Variants in MYLK observed in about 807,000 individuals in gnomAD.
MYLK encodes myosin light chain kinase, also known as myosin light chain kinase, smooth muscle.
Under a neutral mutation model 203.4 loss-of-function variants are expected in MYLK, and 106 were observed. The ratio of observed to expected loss-of-function variants is 0.52; its 90% CI spans 0.45 to 0.61. The LOEUF is 0.61. Ranked by LOEUF, MYLK falls within the 20% of genes least tolerant of loss-of-function variation. MYLK has a pLI of 0.00. For synonymous variants in MYLK, 867 were observed against 959.5 expected, an observed-to-expected ratio of 0.90 and a Z score of 1.78; for missense variants, 2,072 against 2,442.3, an observed-to-expected ratio of 0.85 and a Z score of 3.20.
intron 9 of MYLK, chr3:123,734,852 A>G: frequency 5.5e-6 from 1 of 182,578 alleles, no homozygotes; most frequent in Non-Finnish European, 1.2e-5. Flanking sequence ...TCCTTTGCAC[A>G]GGTCTGAGCT....
chr3:123,693,042 A>G (rs1013286313), intron 18 of MYLK, among the ~76,000 whole-genome samples, 191 bp from the exon 19 acceptor site: 19 of 152,102 alleles, frequency 1.2e-4, no homozygotes, highest in African/African-American at 3.9e-4. Flanking sequence ...TGTCCAAAAT[A>G]ACTGATCCCT....
intron 29 of MYLK, among the ~76,000 whole-genome samples, chr3:123,634,960 T>A (rs1002450002): frequency 6.6e-6 from 1 of 152,072 alleles, no homozygotes; most frequent in Non-Finnish European, 1.5e-5. Flanking sequence ...GGATCCGGGG[T>A]AAGAGTGTGG....
chr3:123,658,059 T>C, intron 23 of MYLK, among the ~76,000 whole-genome samples: 1 of 152,250 alleles, frequency 6.6e-6, no homozygotes, highest in East Asian at 1.9e-4. Flanking sequence ...AGCACTTGTA[T>C]CACAGGTGGT....
At position 123,733,921 on chromosome 3, in the gene MYLK, G is replaced by C. The variant is rs202225055; in HGVS notation, c.1075C>G (p.Pro359Ala). The C allele has an allele frequency of 1.2e-6, 2 of 1,614,088 alleles. No homozygotes were observed. The highest frequency in any genetic ancestry group is 1.3e-5 in the African/African-American group (1 of 74,930). Reference sequence around the variant, plus strand: ...GAAGGTGATAGGACCCCCAGGCCTGGTGCTCTTGGTTCCGGCTGAACTCTT... The same window carrying C: ...GAAGGTGATAGGACCCCCAGGCCTGCTGCTCTTGGTTCCGGCTGAACTCTT... ...AARVQPEPRA[P>A]GLGVLSPSGE... Residue 359 changes from proline to alanine, a missense_variant, in exon 10 of 34, where the codon CCA becomes GCA. Transcript: ENST00000360304.
intron 24 of MYLK, among the ~76,000 whole-genome samples, chr3:123,654,311 A>G (rs1209213657): frequency 6.6e-6 from 1 of 152,150 alleles, no homozygotes; most frequent in Non-Finnish European, 1.5e-5. Flanking sequence ...ATTGAAAGTA[A>G]AATTTTAATA....
chr3:123,745,338 G>A (rs1437791241), intron 5 of MYLK, among the ~76,000 whole-genome samples: 1 of 152,098 alleles, frequency 6.6e-6, no homozygotes, highest in Non-Finnish European at 1.5e-5. Flanking sequence ...CTAGAGGGTG[G>A]TACTGTCTCT....
rs150171877 is a variant in MYLK, at chr3:123,642,830, A to G, written c.4620-2326T>C. 1.2e-4 allele frequency among the ~76,000 whole-genome samples: 18 copies of G among 152,376 alleles called. No homozygotes were observed. Among genetic ancestry groups the G allele is most frequent in the South Asian group, 4.1e-4 (2 of 4,828 alleles). ...CTTGGAAGTGTCTGGCACACAGTCAATGCTCAATATTAATGATCAATTTTC... is the reference window on the plus strand; with the variant it reads ...CTTGGAAGTGTCTGGCACACAGTCAGTGCTCAATATTAATGATCAATTTTC... On this transcript the variant is annotated intron_variant, in intron 27 of 33. Transcript: ENST00000360304. The surrounding 1 kb of genome is among the most constrained non-coding windows in gnomAD (Gnocchi z 4.2).
chr3:123,868,500 C>G (rs2032498917), intron 2 of MYLK, among the ~76,000 whole-genome samples: 1 of 152,198 alleles, frequency 6.6e-6, no homozygotes, highest in Admixed American at 6.5e-5. Context: ...CTTGGATTCT[C>G]TCATCTAATC....
At chr3:123,790,605 T>C (rs2064742047) in intron 4 of MYLK, among the ~76,000 whole-genome samples, 1 of 152,200 alleles carries the variant, frequency 6.6e-6, no homozygotes, top group African/African-American at 2.4e-5. Context: ...AAGTGGTTCA[T>C]TAAGTCCTTT....
In MYLK at chr3:123,647,388, T is replaced by G. The variant is rs941766411; in HGVS notation, c.4455A>C (p.Lys1485Asn). 2.5e-6 allele frequency: 4 copies of G among 1,614,112 alleles called. 1 individual carries two copies. The highest frequency in any genetic ancestry group is 1.7e-6 in the Non-Finnish European group (2 of 1,180,052). ...ACTTCCCTGCCCAGACTTTTCGAGT[T>G]TTCTTTTCTACAAGTCGAAAGACCT... ...FGQVFRLVEK[K>N]TRKVWAGKFF... Residue 1485 changes from lysine (K) to asparagine (N), a missense_variant, in exon 27 of 34, where the codon AAA (lysine) becomes AAC (asparagine). Physicochemically the swap from Lys to Asn is moderately conservative, Grantham distance 94. This residue lies in a region of MYLK where 524 missense variants were observed against 782.4 expected (regional missense o/e 0.67). Transcript: ENST00000360304.
chr3:123,825,050 C>T (rs1201337092), intron 3 of MYLK, among the ~76,000 whole-genome samples: 2 of 150,484 alleles, frequency 1.3e-5, no homozygotes, highest in African/African-American at 4.9e-5. Context: ...GAGGCTGAGG[C>T]AGGAGGATTG....
intron 4 of MYLK, among the ~76,000 whole-genome samples, chr3:123,761,991 C>T (rs9827568): frequency 0.042 from 6,318 of 152,182 alleles, 449 homozygotes; most frequent in African/African-American, 0.14. Context: ...CATGCCATTG[C>T]ACACCAGCGT....
intron 2 of MYLK, among the ~76,000 whole-genome samples, chr3:123,871,474 G>A (rs1262673795): frequency 6.6e-6 from 1 of 151,702 alleles, no homozygotes; most frequent in Non-Finnish European, 1.5e-5. Context: ...ATAAATATCA[G>A]GAATAGAAAA....
intron 4 of MYLK, among the ~76,000 whole-genome samples, chr3:123,789,469 G>A (rs1231803905): frequency 3.9e-5 from 6 of 152,096 alleles, no homozygotes; most frequent in Admixed American, 2.6e-4. Context: ...TCCGGTGGGC[G>A]TATCCCTTGG....
intron 11 of MYLK, among the ~76,000 whole-genome samples, chr3:123,729,115 A>C (rs138669743): frequency 6.6e-6 from 1 of 152,272 alleles, no homozygotes; most frequent in Non-Finnish European, 1.5e-5. Context: ...GAAAGATGTA[A>C]GAAGGCCCTC....
intron 3 of MYLK, among the ~76,000 whole-genome samples, chr3:123,796,688 C>T (rs1399881375): frequency 6.6e-6 from 1 of 152,058 alleles, no homozygotes; most frequent in Non-Finnish European, 1.5e-5. Context: ...TCCAAGAGTG[C>T]AAATTAAGAA....
chr3:123,735,271 C>A (rs1487144485), intron 9 of MYLK, 127 bp downstream of exon 9: 2 of 1,282,456 alleles, frequency 1.6e-6, no homozygotes, highest in East Asian at 2.3e-5. Context: ...CAAAATAAAA[C>A]AACATCCTCC....
At chr3:123,755,085 G>A (rs1236587603) in intron 4 of MYLK, among the ~76,000 whole-genome samples, 2 of 152,210 alleles carry the variant, frequency 1.3e-5, no homozygotes, top group Non-Finnish European at 2.9e-5. Context: ...CTCATACAGT[G>A]AATCTGCAAA....
chr3:123,758,863 T>G (rs1421572914), intron 4 of MYLK, among the ~76,000 whole-genome samples: 2 of 152,212 alleles, frequency 1.3e-5, no homozygotes, highest in East Asian at 3.8e-4. Context: ...CTCACTCTGT[T>G]GCCCAGGCTA....
Sources: gnomAD v4.1 joint callset for allele counts (sites outside exome capture counted in the v4.1 genomes callset) on GRCh38, gnomAD v4.1.1 for gene constraint, gnomAD v4.1.1 regional missense constraint, Gnocchi (gnomAD v3.1) non-coding constraint, MANE v1.5 for transcripts, NCBI Gene and HGNC (gene_info 2026-07-23, HGNC 2026-07-21) for gene names.